Variants in HM13 observed in about 807,000 individuals in gnomAD.
HM13 encodes the protein histocompatibility minor 13.
HM13 carries 18 observed loss-of-function variants against 50.0 expected under a neutral mutation model. The observed-to-expected ratio is 0.36, with a 90% CI of 0.25 to 0.53. The LOEUF (loss-of-function observed/expected upper bound fraction) is 0.53, where lower values mean the gene tolerates loss of function less well. Ranked by LOEUF, HM13 falls within the 20% of genes least tolerant of loss-of-function variation. The probability of loss-of-function intolerance (pLI) is 0.90; values close to 1 mark genes in which losing one functional copy is unlikely to be tolerated. For missense variants in HM13, 393 were observed against 552.4 expected, an observed-to-expected ratio of 0.71 and a Z score of 2.89; for synonymous variants, 197 against 232.6, an observed-to-expected ratio of 0.85 and a Z score of 1.39.
chr20:31,523,238 A>G (rs1285942395), intron 1 of HM13, among the ~76,000 whole-genome samples: 1 of 150,646 alleles, frequency 6.6e-6, no homozygotes, highest in Non-Finnish European at 1.5e-5. Flanking sequence ...TTTAGTAGAG[A>G]CGGGGTTTCA....
intron 7 of HM13, among the ~76,000 whole-genome samples, chr20:31,554,313 G>C (rs1984182216): frequency 6.6e-6 from 1 of 151,480 alleles, no homozygotes; most frequent in African/African-American, 2.4e-5. Context: ...AGTGAGCCAA[G>C]ATCGTGCCAC....
At chr20:31,519,097 A>AT (rs1403136260) in intron 1 of HM13, among the ~76,000 whole-genome samples, 5 of 151,822 alleles carry the variant, frequency 3.3e-5, no homozygotes, top group Admixed American at 2.0e-4. Flanking sequence ...CTTTTCCCTG[A>AT]TTTTTTTTGT....
At chr20:31,556,551 G>A (rs2122644104) in intron 8 of HM13, among the ~76,000 whole-genome samples, 1 of 152,304 alleles carries the variant, frequency 6.6e-6, no homozygotes, top group South Asian at 2.1e-4. Flanking sequence ...CAGAAGTAAA[G>A]GGAATGATAC....
At chr20:31,538,920 C>A in intron 3 of HM13, 1 of 277,790 alleles carries the variant, frequency 3.6e-6, no homozygotes. Flanking sequence ...GCCAGACAAC[C>A]TTATATGGGT....
Position 31,558,982 on chromosome 20 carries a change from G to A in HM13, c.809-629G>A, listed in dbSNP as rs192328112. ...TCACCAGGCTGGAATGCAGTGGCGC[G>A]ATCTTGGCTCACTGCAACCTCCACT... is the stretch of plus-strand genomic sequence containing the variant. On this transcript the variant is annotated intron_variant, in intron 8 of 12. Coordinates refer to ENST00000398174, the MANE Select transcript of HM13 (RefSeq NM_178581.3). Among the ~76,000 whole-genome samples the A allele has an allele frequency of 2.4e-4, 36 of 152,180 alleles. No homozygotes were observed. In the South Asian group the frequency reaches 3.3e-3, roughly 14 times the overall value.
At chr20:31,538,809 G>C in intron 3 of HM13, 1 of 285,446 alleles carries the variant, frequency 3.5e-6, no homozygotes, top group Non-Finnish European at 5.3e-6. Flanking sequence ...AAATAATAGT[G>C]CCCTTCCCAT....
intron 9 of HM13, among the ~76,000 whole-genome samples, chr20:31,561,193 C>T (rs1274357605): frequency 2.6e-5 from 4 of 152,196 alleles, no homozygotes; most frequent in Non-Finnish European, 5.9e-5. Context: ...CATGATCCAA[C>T]GGTATGAGAT....
chr20:31,554,873 G>C, intron 8 of HM13, 44 bp downstream of exon 8: 1 of 1,465,900 alleles, frequency 6.8e-7, no homozygotes, highest in Non-Finnish European at 9.6e-7. Flanking sequence ...GGTGGAGAGG[G>C]TATTCCCCGG....
At position 31,553,846 on chromosome 20, in the gene HM13, C is replaced by A. The variant is rs566606550; in HGVS notation, c.725-900C>A. Reference sequence around the variant, plus strand: ...ATACAGAAGGAGCTTATAGCCCGGGCTCACCCTGCTTCAGAACAAGGGCCA... The same window carrying A: ...ATACAGAAGGAGCTTATAGCCCGGGATCACCCTGCTTCAGAACAAGGGCCA... On this transcript the variant is annotated intron_variant, in intron 7 of 12. Transcript: ENST00000398174. 5.3e-5 allele frequency among the ~76,000 whole-genome samples: 8 copies of A among 152,184 alleles called. 1 individual carries two copies. In the South Asian group the frequency reaches 1.2e-3, roughly 24 times the overall value.
intron 4 of HM13, among the ~76,000 whole-genome samples, chr20:31,546,958 C>T (rs546751348): frequency 7.2e-5 from 11 of 152,168 alleles, no homozygotes; most frequent in African/African-American, 2.6e-4. Context: ...AAAGGCTAGG[C>T]TTATACCACA....
At chr20:31,555,582 G>A (rs1305754946) in intron 8 of HM13, among the ~76,000 whole-genome samples, 1 of 152,192 alleles carries the variant, frequency 6.6e-6, no homozygotes, top group African/African-American at 2.4e-5. Flanking sequence ...GCTCGGGTGT[G>A]TCTGCTTATC....
chr20:31,533,255 C>T (rs1229948282), intron 2 of HM13, among the ~76,000 whole-genome samples: 6 of 152,218 alleles, frequency 3.9e-5, no homozygotes, highest in Admixed American at 2.0e-4. Flanking sequence ...GTAATCCCAA[C>T]GCTTTGGGAG....
At chr20:31,518,340 T>C (rs1423030290) in intron 1 of HM13, among the ~76,000 whole-genome samples, 3 of 150,718 alleles carry the variant, frequency 2.0e-5, no homozygotes, top group Non-Finnish European at 4.4e-5. Flanking sequence ...CAGCAATTTT[T>C]TTTTTTTCTT....
Position 31,566,641 on chromosome 20 carries a change from C to T in HM13, c.1034+346C>T, listed in dbSNP as rs530872610. ...CAGGTGACTTCAGGCATGTCTTCCC[C>T]TCCCATGGCCTCAGTTTTCACATGT... On this transcript the variant is annotated intron_variant, in intron 11 of 12. Coordinates refer to ENST00000398174, the MANE Select transcript of HM13 (RefSeq NM_178581.3). 5.9e-5 allele frequency among the ~76,000 whole-genome samples: 9 copies of T among 152,230 alleles called. No homozygotes were observed. The East Asian group carries it at 1.4e-3, about 23-fold the overall frequency.
At chr20:31,567,791 A>C (rs1985007474) in intron 11 of HM13, 1 of 362,128 alleles carries the variant, frequency 2.8e-6, no homozygotes, top group Non-Finnish European at 5.0e-6. Context: ...AGCATTCTGC[A>C]CATTGGGTTT....
rs1600679065 is a variant in HM13 at position 31,569,503 on chromosome 20, G to A, written c.*284G>A. On this transcript the variant is annotated 3_prime_UTR_variant, in exon 13 of 13. Coordinates refer to ENST00000398174, the MANE Select transcript of HM13 (RefSeq NM_178581.3). ...GTGTGATTTTTAGATTTTGTATTGT[G>A]GACTGATTTTGCCTCACATTAAAAA... 17 of 299,104 alleles carry A rather than the reference G, an allele frequency of 5.7e-5. No individual in the cohort carries two copies. In the East Asian group the frequency reaches 9.6e-4, roughly 17 times the overall value. 18.5% of individuals were successfully genotyped at this position (299,104 alleles called of 1,614,324 possible). A position where few individuals can be genotyped will look rare whatever the true frequency, so the allele number is the denominator to read the frequency against.
intron 1 of HM13, among the ~76,000 whole-genome samples, chr20:31,515,713 C>T (rs1981733979): frequency 6.6e-6 from 1 of 152,138 alleles, no homozygotes; most frequent in African/African-American, 2.4e-5. Context: ...TCACCTTCTG[C>T]TTCTCCCTCC....
chr20:31,538,053 C>G, intron 2 of HM13, 126 bp from the exon 3 acceptor site: 1 of 1,065,344 alleles, frequency 9.4e-7, no homozygotes, highest in Middle Eastern at 3.1e-4. Flanking sequence ...TTGTCTGAGA[C>G]TCTTCCTGAC....
At chr20:31,549,600 T>C (rs1983919588) in intron 6 of HM13, among the ~76,000 whole-genome samples, 1 of 152,168 alleles carries the variant, frequency 6.6e-6, no homozygotes, top group Non-Finnish European at 1.5e-5. Flanking sequence ...CCTAATCCCA[T>C]GTCTCCTTGG....
Sources: gnomAD v4.1 joint callset for allele counts (sites outside exome capture counted in the v4.1 genomes callset) on GRCh38, gnomAD v4.1.1 for gene constraint, MANE v1.5 for transcripts, NCBI Gene and HGNC (gene_info 2026-07-23, HGNC 2026-07-21) for gene names.